Variants in SLC2A13 observed in about 807,000 individuals in gnomAD.
The protein encoded by SLC2A13 is solute carrier family 2 member 13.
SLC2A13 carries 32 observed loss-of-function variants against 64.4 expected under a neutral mutation model. That is an observed-to-expected ratio of 0.50 (90% CI 0.37 to 0.67). The LOEUF is 0.67. SLC2A13 is among the 30% of genes least tolerant of loss of function. SLC2A13 has a pLI of 0.00. For synonymous variants in SLC2A13, 338 were observed against 327.1 expected (o/e 1.03, Z -0.36); for missense variants, 743 against 829.2 (o/e 0.90, Z 1.28).
chr12:39,782,302 G>A (rs763610135), intron 7 of SLC2A13, among the ~76,000 whole-genome samples: 1 of 152,118 alleles, frequency 6.6e-6, no homozygotes, highest in Non-Finnish European at 1.5e-5. Context: ...ATTCCTACGT[G>A]TTGTGGAAGG....
At chr12:39,866,895 G>C (rs1369433837) in intron 5 of SLC2A13, among the ~76,000 whole-genome samples, 1 of 152,192 alleles carries the variant, frequency 6.6e-6, no homozygotes, top group African/African-American at 2.4e-5. Context: ...GAAGGATGGG[G>C]AGGATTAAAG....
intron 4 of SLC2A13, among the ~76,000 whole-genome samples, chr12:39,877,011 T>TA (rs1448877810): frequency 6.6e-6 from 1 of 152,142 alleles, no homozygotes; most frequent in Non-Finnish European, 1.5e-5. Flanking sequence ...AATATATATA[T>TA]TTTTTGGTAC....
intron 6 of SLC2A13, among the ~76,000 whole-genome samples, chr12:39,859,950 A>T (rs57484148): frequency 0.019 from 2,882 of 152,336 alleles, 99 homozygotes; most frequent in African/African-American, 0.065. Flanking sequence ...TATGCTAGGC[A>T]TCATTAAATT....
Position 39,893,276 on chromosome 12 carries a change from A to G in SLC2A13, c.1035-21315T>C, listed in dbSNP as rs1485425539. Among the ~76,000 whole-genome samples the G allele has an allele frequency of 2.6e-5, 4 of 152,222 alleles. No individual in the cohort carries two copies. The East Asian group carries it at 7.7e-4, about 29-fold the overall frequency. On this transcript the variant is annotated intron_variant, in intron 4 of 9. Transcript: ENST00000280871. Reference sequence around the variant, plus strand: ...TATCTATGTCTATTTTATAGAAAACAAAACATTCCTTTATAGTTTTATAGC... The same window carrying G: ...TATCTATGTCTATTTTATAGAAAACGAAACATTCCTTTATAGTTTTATAGC...
At chr12:39,792,549 A>G (rs1941439662) in intron 7 of SLC2A13, among the ~76,000 whole-genome samples, 1 of 152,194 alleles carries the variant, frequency 6.6e-6, no homozygotes, top group South Asian at 2.1e-4. Context: ...GGGCAGCACA[A>G]TTCTAGATAC....
intron 3 of SLC2A13, among the ~76,000 whole-genome samples, chr12:39,969,043 G>C (rs1482034299): frequency 6.6e-6 from 1 of 152,054 alleles, no homozygotes; most frequent in South Asian, 2.1e-4. Flanking sequence ...GTGAGAACAC[G>C]TGGTGTTTGG....
intron 6 of SLC2A13, among the ~76,000 whole-genome samples, chr12:39,835,945 C>G (rs1449296674): frequency 6.6e-6 from 1 of 152,042 alleles, no homozygotes; most frequent in Non-Finnish European, 1.5e-5. Context: ...TTTAAATTGC[C>G]ACGTGGTGAA....
intron 4 of SLC2A13, among the ~76,000 whole-genome samples, chr12:39,897,835 T>C (rs1565529848): frequency 1.3e-5 from 2 of 152,260 alleles, no homozygotes; most frequent in East Asian, 3.9e-4. Flanking sequence ...AATATTTTCA[T>C]AAATCACAAA....
chr12:39,770,357 C>T (rs753580683), intron 7 of SLC2A13, among the ~76,000 whole-genome samples: 8 of 152,104 alleles, frequency 5.3e-5, no homozygotes, highest in African/African-American at 9.7e-5. Flanking sequence ...ATGACTACAA[C>T]GAAATGACCT....
intron 2 of SLC2A13, among the ~76,000 whole-genome samples, chr12:40,033,808 T>G (rs1399460800): frequency 6.6e-6 from 1 of 152,242 alleles, no homozygotes; most frequent in African/African-American, 2.4e-5. Context: ...ACTGCAAGAT[T>G]TTAAAGGATT....
Position 39,764,442 on chromosome 12 carries a change from GA to G in SLC2A13, c.1720+17del. On this transcript the variant is annotated intron_variant, in intron 9 of 9. Transcript: ENST00000280871. ...TAAAAATAAAAACAAAACTATGTTA[GA>G]AAAAATATTATCTTACCATAGTATG... 6.5e-7 allele frequency: 1 copy of G among 1,537,058 alleles called. No individual in the cohort carries two copies. The highest frequency in any genetic ancestry group is 1.3e-5 in the South Asian group (1 of 78,266).
At chr12:39,943,323 C>A (rs1035092481) in intron 4 of SLC2A13, among the ~76,000 whole-genome samples, 1 of 152,154 alleles carries the variant, frequency 6.6e-6, no homozygotes, top group Non-Finnish European at 1.5e-5. Flanking sequence ...CAGCAGGCAG[C>A]AATATTTAAG....
At chr12:39,839,685 C>G (rs2135870175) in intron 6 of SLC2A13, among the ~76,000 whole-genome samples, 1 of 152,110 alleles carries the variant, frequency 6.6e-6, no homozygotes, top group Middle Eastern at 3.4e-3. Flanking sequence ...TGCTTCTGTT[C>G]TGGGCCATCT....
chr12:39,829,130 A>G (rs796943503), intron 7 of SLC2A13, among the ~76,000 whole-genome samples: 14 of 152,186 alleles, frequency 9.2e-5, no homozygotes, highest in African/African-American at 3.1e-4. Flanking sequence ...GATTAAAGCC[A>G]TATCAGATAA....
intron 3 of SLC2A13, among the ~76,000 whole-genome samples, chr12:39,969,901 T>C (rs1208542567): frequency 6.6e-6 from 1 of 152,234 alleles, no homozygotes; most frequent in African/African-American, 2.4e-5. Context: ...AGGTATTGCC[T>C]AGGTTTTCTT....
intron 3 of SLC2A13, among the ~76,000 whole-genome samples, chr12:39,988,750 A>G (rs1040430656): frequency 6.6e-6 from 1 of 151,890 alleles, no homozygotes; most frequent in Non-Finnish European, 1.5e-5. Context: ...AAATGCTGCT[A>G]AAGAGGAAAC....
intron 3 of SLC2A13, among the ~76,000 whole-genome samples, chr12:39,987,027 T>A (rs1050644397): frequency 5.9e-5 from 9 of 152,150 alleles, no homozygotes; most frequent in Non-Finnish European, 1.2e-4. Context: ...ACTATAAATT[T>A]AACAACCTGG....
intron 7 of SLC2A13, among the ~76,000 whole-genome samples, chr12:39,781,815 G>A (rs900522558): frequency 6.6e-6 from 1 of 152,212 alleles, no homozygotes; most frequent in Non-Finnish European, 1.5e-5. Context: ...ATGGACAAAA[G>A]TTAGTGGGTG....
intron 3 of SLC2A13, among the ~76,000 whole-genome samples, chr12:39,980,010 G>GC (rs1946858297): frequency 6.6e-6 from 1 of 151,034 alleles, no homozygotes; most frequent in African/African-American, 2.4e-5. Context: ...GAGAGTGAGG[G>GC]CCAATATTCA....
Sources: allele counts gnomAD v4.1 joint callset (sites outside exome capture counted in the v4.1 genomes callset), GRCh38; gene constraint gnomAD v4.1.1; transcripts MANE v1.5; gene names NCBI Gene and HGNC (gene_info 2026-07-23, HGNC 2026-07-21).